The following INPP5A variants were observed in gnomAD, a reference collection of about 807,000 sequenced individuals.
INPP5A encodes the protein 43 kDa inositol polyphosphate 5-phophatase.
In INPP5A, 14 loss-of-function variants were observed where a neutral mutation model predicts 65.2. The ratio of observed to expected loss-of-function variants is 0.21; its 90% CI spans 0.14 to 0.34. The LOEUF (loss-of-function observed/expected upper bound fraction) is 0.34. Among genes scored for constraint, INPP5A ranks in the 10% least tolerant of loss-of-function variants. The pLI, the probability that INPP5A is intolerant of heterozygous loss-of-function variation, is 1.00. For synonymous variants in INPP5A, 207 were observed against 208.3 expected (o/e 0.99, Z 0.05); for missense variants, 431 against 545.6 (o/e 0.79, Z 2.09).
At chr10:132,719,348 T>A (rs540719160) in intron 8 of INPP5A, among the ~76,000 whole-genome samples, 1 of 149,746 alleles carries the variant, frequency 6.7e-6, no homozygotes, top group East Asian at 2.0e-4. Context: ...GGTACCTGGG[T>A]TCTGTCTGGG....
chr10:132,757,680 G>A (rs1044978896), intron 11 of INPP5A, among the ~76,000 whole-genome samples: 9 of 152,234 alleles, frequency 5.9e-5, no homozygotes, highest in African/African-American at 1.4e-4. Context: ...GGACCACAGC[G>A]GAGCAGAGAG....
At chr10:132,567,500 T>C (rs1021076257) in intron 1 of INPP5A, among the ~76,000 whole-genome samples, 1 of 152,254 alleles carries the variant, frequency 6.6e-6, no homozygotes, top group Admixed American at 6.5e-5. Context: ...GTTTGGTTCC[T>C]ATGTTTCCCC....
rs1265109334 is a variant in INPP5A, at chr10:132,674,328, A to AGTGCACAAGCGG, written c.307-16057_307-16046dup. On this transcript the variant is annotated intron_variant, in intron 4 of 15. Coordinates refer to ENST00000368594, the MANE Select transcript of INPP5A (RefSeq NM_005539.5). This position sits in a 1 kb window ranked among gnomAD's most constrained non-coding sequence, Gnocchi z 4.4. ...TCTGGCCATTTCTCCTTCCAAGCAG[A>AGTGCACAAGCGG]GTGCACAAGCGGGTGCACTGCTTGA... 1.3e-5 allele frequency among the ~76,000 whole-genome samples: 2 copies of AGTGCACAAGCGG among 152,208 alleles called. No individual in the cohort carries two copies. The highest frequency in any genetic ancestry group is 1.9e-4 in the East Asian group (1 of 5,194).
At chr10:132,634,400 C>T (rs2072314651) in intron 2 of INPP5A, among the ~76,000 whole-genome samples, 1 of 152,064 alleles carries the variant, frequency 6.6e-6, no homozygotes, top group Non-Finnish European at 1.5e-5. Context: ...GGCATGTCAT[C>T]TCCCTTGGGT....
intron 1 of INPP5A, among the ~76,000 whole-genome samples, chr10:132,577,102 A>T (rs1375017543): frequency 6.6e-6 from 1 of 152,206 alleles, no homozygotes; most frequent in Non-Finnish European, 1.5e-5. Context: ...GCTGAGGCTC[A>T]GCAGAATGAA....
chr10:132,553,814 A>C (rs1318182765), intron 1 of INPP5A, among the ~76,000 whole-genome samples: 50 of 135,968 alleles, frequency 3.7e-4, no homozygotes, highest in South Asian at 9.5e-4. Context: ...GCCTTGGTGG[A>C]ATATTGGGTA....
intron 1 of INPP5A, among the ~76,000 whole-genome samples, chr10:132,579,167 C>T (rs1417915386): frequency 1.3e-5 from 2 of 150,946 alleles, no homozygotes; most frequent in African/African-American, 4.9e-5. Flanking sequence ...GCGCCGGTTG[C>T]GGGCTCCAAG....
chr10:132,662,778 A>T (rs1189285150), intron 4 of INPP5A, among the ~76,000 whole-genome samples: 1 of 152,070 alleles, frequency 6.6e-6, no homozygotes, highest in East Asian at 1.9e-4. Context: ...CCACCCTTTC[A>T]TGCTGTAGTT....
At chr10:132,596,974 T>C (rs200139203) in intron 1 of INPP5A, among the ~76,000 whole-genome samples, 163 of 135,044 alleles carry the variant, frequency 1.2e-3, no homozygotes, top group Middle Eastern at 3.8e-3. Context: ...CGTGTGTGCA[T>C]GCGTGTGTGC....
At position 132,634,520 on chromosome 10, in the gene INPP5A, A is replaced by C. The variant is rs181595497; in HGVS notation, c.118-11348A>C. On this transcript the variant is annotated intron_variant, in intron 2 of 15. Transcript: ENST00000368594. ...GGTTTTCTGTCGTGCCAAGTGGACC[A>C]CGGAGCTTGACTGTGTCCTGCATCT... is the stretch of plus-strand genomic sequence containing the variant. Among the ~76,000 whole-genome samples the C allele has an allele frequency of 3.6e-3, 553 of 152,350 alleles. 4 individuals carry two copies. Among genetic ancestry groups the C allele is most frequent in the African/African-American group, 0.013 (523 of 41,588 alleles).
intron 12 of INPP5A, among the ~76,000 whole-genome samples, chr10:132,768,975 C>T (rs1310222835): frequency 3.3e-5 from 5 of 152,244 alleles, no homozygotes; most frequent in Non-Finnish European, 7.3e-5. Flanking sequence ...GCAGTAGACC[C>T]TCCATGGGGA....
chr10:132,720,494 G>C (rs1845849494), intron 8 of INPP5A, among the ~76,000 whole-genome samples: 1 of 149,912 alleles, frequency 6.7e-6, no homozygotes, highest in Non-Finnish European at 1.5e-5. Flanking sequence ...GGGTGCCTTA[G>C]ACAGCTGTCT....
chr10:132,702,971 G>A (rs929787452), intron 6 of INPP5A, among the ~76,000 whole-genome samples: 8 of 152,158 alleles, frequency 5.3e-5, no homozygotes, highest in Non-Finnish European at 1.2e-4. Flanking sequence ...GGCAGAGGGC[G>A]CCCTGCCGGT....
intron 2 of INPP5A, among the ~76,000 whole-genome samples, chr10:132,633,025 G>C (rs2072295324): frequency 6.6e-6 from 1 of 152,214 alleles, no homozygotes; most frequent in Non-Finnish European, 1.5e-5. Context: ...GGGAGTTGGG[G>C]GGCTGGTTCT....
intron 2 of INPP5A, among the ~76,000 whole-genome samples, chr10:132,623,829 A>G (rs1464743773): frequency 1.3e-5 from 2 of 152,256 alleles, no homozygotes; most frequent in East Asian, 1.9e-4. Context: ...CAATTTTAAA[A>G]TAACTGAAAA....
At chr10:132,745,802 C>T (rs1432794024) in intron 9 of INPP5A, among the ~76,000 whole-genome samples, 2 of 145,624 alleles carry the variant, frequency 1.4e-5, no homozygotes, top group African/African-American at 5.0e-5. Flanking sequence ...GCGTGGTGGC[C>T]TCGGGTGTGG....
At chr10:132,618,212 A>C (rs1476099346) in intron 2 of INPP5A, among the ~76,000 whole-genome samples, 1 of 152,258 alleles carries the variant, frequency 6.6e-6, no homozygotes, top group Non-Finnish European at 1.5e-5. Flanking sequence ...GGAGAGACCC[A>C]GTAAGATGTA....
At chr10:132,733,243 C>T (rs1455040092) in intron 9 of INPP5A, among the ~76,000 whole-genome samples, 21 of 152,242 alleles carry the variant, frequency 1.4e-4, no homozygotes, top group Admixed American at 1.4e-3. Flanking sequence ...CATTTCCAAA[C>T]AAGGCCCCAA....
rs563653306 is a variant in INPP5A at position 132,569,944 on chromosome 10, A to G, written c.75+31773A>G. 4.2e-3 allele frequency among the ~76,000 whole-genome samples: 443 copies of G among 105,342 alleles called. 1 individual carries two copies. The highest frequency in any genetic ancestry group is 0.019 in the Middle Eastern group (2 of 108). 69.1% of individuals were successfully genotyped at this position (105,342 alleles called of 152,430 possible). A position where few individuals can be genotyped will look rare whatever the true frequency, so the allele number is the denominator to read the frequency against. The stretch of plus-strand genomic sequence containing the variant: ...TGGGATTACAGGTGTGAGCCACCGC[A>G]CTGGGCCCCCACTGTTTTTTTTAAA... On this transcript the variant is annotated intron_variant, in intron 1 of 15. Coordinates refer to ENST00000368594, the MANE Select transcript of INPP5A (RefSeq NM_005539.5).
Sources: allele counts gnomAD v4.1 joint callset (sites outside exome capture counted in the v4.1 genomes callset), GRCh38; gene constraint gnomAD v4.1.1; non-coding constraint Gnocchi (gnomAD v3.1); transcripts MANE v1.5; gene names NCBI Gene and HGNC (gene_info 2026-07-23, HGNC 2026-07-21).